Variants in ALOX5 observed in about 807,000 individuals in gnomAD.
ALOX5 encodes polyunsaturated fatty acid 5-lipoxygenase.
In ALOX5, 64 loss-of-function variants were observed where a neutral mutation model predicts 87.9. The observed-to-expected ratio is 0.73, with a 90% CI of 0.60 to 0.90. The LOEUF (loss-of-function observed/expected upper bound fraction) is 0.90, where lower values mean the gene tolerates loss of function less well. Ranked by LOEUF, ALOX5 falls within the 40% of genes least tolerant of loss-of-function variation. ALOX5 has a pLI of 0.00. For synonymous variants in ALOX5, 388 were observed against 355.1 expected, an observed-to-expected ratio of 1.09 and a Z score of -1.04; for missense variants, 822 against 907.5, an observed-to-expected ratio of 0.91 and a Z score of 1.21.
chr10:45,441,376 AATCAAC>A lies in ALOX5; in HGVS notation c.1220_1225del (p.Ile407_Asn408del), dbSNP rs752546064. On this transcript the variant is annotated inframe_deletion, in exon 9 of 14. Transcript: ENST00000374391. Reference sequence around the variant, plus strand: ...TGGCACACGTGAGATTCACCATTGCAATCAACACCAAGGCCCGTGAGCAGCTCATCT... The same window carrying A: ...TGGCACACGTGAGATTCACCATTGCAACCAAGGCCCGTGAGCAGCTCATCT... The A allele has an allele frequency of 1.9e-6, 3 of 1,613,698 alleles. No individual in the cohort carries two copies. Among genetic ancestry groups the A allele is most frequent in the Non-Finnish European group, 2.5e-6 (3 of 1,179,790 alleles).
intron 2 of ALOX5, among the ~76,000 whole-genome samples, chr10:45,385,085 G>A (rs989762789): frequency 1.3e-5 from 2 of 152,138 alleles, no homozygotes; most frequent in Non-Finnish European, 2.9e-5. Flanking sequence ...GACCTCAGGT[G>A]ATCCACCCGG....
At chr10:45,416,117 T>A (rs1841281272) in intron 4 of ALOX5, among the ~76,000 whole-genome samples, 2 of 152,108 alleles carry the variant, frequency 1.3e-5, no homozygotes, top group South Asian at 4.1e-4. Context: ...TAAAATAATA[T>A]TATTTATTTC....
At chr10:45,443,897 TCTGCACGCGTA>T in intron 12 of ALOX5, 69 bp downstream of exon 12, 1 of 1,510,874 alleles carries the variant, frequency 6.6e-7, no homozygotes, top group Admixed American at 2.0e-5. Flanking sequence ...CCGCCCCGGT[TCTGCACGCGTA>T]CTGCACCCTC....
Position 45,374,439 on chromosome 10 carries a change from G to C in ALOX5, c.150+10G>C. ...CTTCGAGCGTGGCGCGGTGAGCGCGGGCGGGGCACGGGTGGAGCGCGGGCT... is the reference window on the plus strand; with the variant it reads ...CTTCGAGCGTGGCGCGGTGAGCGCGCGCGGGGCACGGGTGGAGCGCGGGCT... On this transcript the variant is annotated intron_variant, in intron 1 of 13. Coordinates refer to ENST00000374391, the MANE Select transcript of ALOX5 (RefSeq NM_000698.5). 1 of 1,544,696 alleles carries C rather than the reference G, an allele frequency of 6.5e-7. No homozygotes were observed. The highest frequency in any genetic ancestry group is 8.7e-7 in the Non-Finnish European group (1 of 1,150,064).
intron 1 of ALOX5, among the ~76,000 whole-genome samples, chr10:45,377,625 C>T (rs1361030976): frequency 6.6e-6 from 1 of 152,054 alleles, no homozygotes; most frequent in Non-Finnish European, 1.5e-5. Flanking sequence ...TCTCTCATCC[C>T]GAGTCTCTGT....
At position 45,381,329 on chromosome 10, in the gene ALOX5, C is replaced by T. The variant is rs562428734; in HGVS notation, c.151-1154C>T. Among the ~76,000 whole-genome samples the T allele has an allele frequency of 5.8e-4, 89 of 152,360 alleles. 1 individual carries two copies. The highest frequency in any genetic ancestry group is 4.8e-3 in the South Asian group (23 of 4,834). On this transcript the variant is annotated intron_variant, in intron 1 of 13. Transcript: ENST00000374391. The stretch of plus-strand genomic sequence containing the variant: ...GCTGTGAACTGCAAATGTCCCAGGA[C>T]GACTCGAATCCATGCAAGCTCCCTG...
chr10:45,420,109 C>G (rs1841450370), intron 4 of ALOX5, among the ~76,000 whole-genome samples: 2 of 152,242 alleles, frequency 1.3e-5, no homozygotes, highest in African/African-American at 4.8e-5. Flanking sequence ...AGGATTCTCC[C>G]ACTTTTAACT....
chr10:45,379,806 G>A (rs1049057721), intron 1 of ALOX5, among the ~76,000 whole-genome samples: 1 of 152,192 alleles, frequency 6.6e-6, no homozygotes, highest in Non-Finnish European at 1.5e-5. Flanking sequence ...AGAGAATGAA[G>A]CAATGTGCCC....
intron 4 of ALOX5, among the ~76,000 whole-genome samples, chr10:45,423,567 G>A (rs889674107): frequency 2.0e-5 from 3 of 152,272 alleles, no homozygotes; most frequent in Non-Finnish European, 2.9e-5. Flanking sequence ...CTATTTTCTT[G>A]TCCTGTGCAG....
intron 3 of ALOX5, among the ~76,000 whole-genome samples, chr10:45,401,056 G>A (rs887500118): frequency 1.3e-5 from 2 of 152,216 alleles, no homozygotes; most frequent in African/African-American, 4.8e-5. Context: ...ACAAGTGTTT[G>A]ATGGATCATT....
At chr10:45,412,711 A>G (rs1841110634) in intron 4 of ALOX5, among the ~76,000 whole-genome samples, 1 of 152,224 alleles carries the variant, frequency 6.6e-6, no homozygotes, top group Non-Finnish European at 1.5e-5. Context: ...ATCCCAGGAC[A>G]TATGTCCCCT....
chr10:45,443,095 C>T lies in ALOX5; in HGVS notation c.1330C>T (p.Leu444=). Reference sequence around the variant, plus strand: ...GATGGTGCAGAGGGCCATGAAGGACCTGACCTATGCCTCCCTGTGCTTTCC... The same window carrying T: ...GATGGTGCAGAGGGCCATGAAGGACTTGACCTATGCCTCCCTGTGCTTTCC... ...VQMVQRAMKD[L]TYASLCFPEA... is the part of the protein sequence containing the mutation. Residue 444 remains leucine, a synonymous_variant, in exon 10 of 14, where the codon CTG becomes TTG. Coordinates refer to ENST00000374391, the MANE Select transcript of ALOX5 (RefSeq NM_000698.5). 2 of 1,613,798 alleles carry T rather than the reference C, an allele frequency of 1.2e-6. No individual in the cohort carries two copies. Among genetic ancestry groups the T allele is most frequent in the Non-Finnish European group, 1.7e-6 (2 of 1,179,996 alleles).
At position 45,381,818 on chromosome 10, in the gene ALOX5, G is replaced by C. The variant is rs562675805; in HGVS notation, c.151-665G>C. The stretch of plus-strand genomic sequence containing the variant: ...TTTCACCTGCCTGGGTCGTAGCACT[G>C]AGCCTTGTCAGGGGCAGGCCTTCAG... On this transcript the variant is annotated intron_variant, in intron 1 of 13. Transcript: ENST00000374391. 3.3e-5 allele frequency among the ~76,000 whole-genome samples: 5 copies of C among 152,374 alleles called. No homozygotes were observed. The South Asian group carries it at 1.0e-3, about 32-fold the overall frequency.
At chr10:45,444,640 G>A (rs1842376990) in intron 13 of ALOX5, 2 of 282,600 alleles carry the variant, frequency 7.1e-6, no homozygotes, top group East Asian at 1.4e-4. Flanking sequence ...TTCCGGACAC[G>A]TGCATCTCAT....
Position 45,429,993 on chromosome 10 carries a change from G to A in ALOX5, c.981+1229G>A, listed in dbSNP as rs371526887. ...GACTCTAGATTCCAGCCTCCCCACA[G>A]TCTCCCAGGGGCACGTAGCCTCAGA... On this transcript the variant is annotated intron_variant, in intron 7 of 13. Coordinates refer to ENST00000374391, the MANE Select transcript of ALOX5 (RefSeq NM_000698.5). Among the ~76,000 whole-genome samples, 92 of 152,294 alleles carry A rather than the reference G, an allele frequency of 6.0e-4. No individual in the cohort carries two copies. In the Middle Eastern group the frequency reaches 0.01, roughly 17 times the overall value.
chr10:45,383,335 T>C (rs1161398125), intron 2 of ALOX5, among the ~76,000 whole-genome samples: 1 of 152,262 alleles, frequency 6.6e-6, no homozygotes, highest in Non-Finnish European at 1.5e-5. Context: ...GCTGACCTGG[T>C]ACAGAGCATC....
chr10:45,399,485 AAATT>A (rs1187186537), intron 3 of ALOX5, among the ~76,000 whole-genome samples: 8 of 152,380 alleles, frequency 5.3e-5, no homozygotes, highest in Admixed American at 2.0e-4. Context: ...ATAAATTTAA[AAATT>A]AATTCAAAAT....
At chr10:45,392,083 TG>T (rs1349970414) in intron 2 of ALOX5, among the ~76,000 whole-genome samples, 2 of 143,800 alleles carry the variant, frequency 1.4e-5, no homozygotes, top group East Asian at 2.1e-4. Context: ...GAGAGGGAGG[TG>T]GGGGGGTCAG....
At chr10:45,403,938 T>C (rs1840788291) in intron 3 of ALOX5, among the ~76,000 whole-genome samples, 2 of 152,218 alleles carry the variant, frequency 1.3e-5, no homozygotes, top group African/African-American at 4.8e-5. Context: ...AGAGCACTTC[T>C]GGCCTGTGAA....
Sources: gnomAD v4.1 joint callset for allele counts (sites outside exome capture counted in the v4.1 genomes callset) on GRCh38, gnomAD v4.1.1 for gene constraint, MANE v1.5 for transcripts, NCBI Gene and HGNC (gene_info 2026-07-23, HGNC 2026-07-21) for gene names.